Variants in SFMBT2 observed in about 807,000 individuals in gnomAD.
SFMBT2 encodes Scm like with four mbt domains 2, also known as scm-like with four MBT domains protein 2.
In SFMBT2, 38 loss-of-function variants were observed where a neutral mutation model predicts 110.1. The ratio of observed to expected loss-of-function variants is 0.35; its 90% CI spans 0.27 to 0.45. The LOEUF (loss-of-function observed/expected upper bound fraction) is 0.45, where lower values mean the gene tolerates loss of function less well. Among genes scored for constraint, SFMBT2 ranks in the 20% least tolerant of loss-of-function variants. SFMBT2 has a pLI of 1.00. For synonymous variants in SFMBT2, 425 were observed against 425.4 expected (o/e 1.00, Z 0.01); for missense variants, 1,011 against 1,094.9 (o/e 0.92, Z 1.08).
intron 7 of SFMBT2, among the ~76,000 whole-genome samples, chr10:7,254,232 T>C (rs1831572579): frequency 6.6e-6 from 1 of 152,180 alleles, no homozygotes; most frequent in Non-Finnish European, 1.5e-5. Context: ...TGACATCCAT[T>C]CCGATCCTAT....
At chr10:7,381,320 C>G (rs557376309) in intron 2 of SFMBT2, among the ~76,000 whole-genome samples, 98 of 152,300 alleles carry the variant, frequency 6.4e-4, no homozygotes, top group African/African-American at 2.3e-3. Context: ...CTGTCTCTCT[C>G]TCTCCAGCAC....
In SFMBT2 at chr10:7,175,982, G is replaced by T. The variant is rs1327854243; in HGVS notation, c.1984+8C>A. 1.9e-6 allele frequency: 3 copies of T among 1,607,224 alleles called. No homozygotes were observed. Among genetic ancestry groups the T allele is most frequent in the African/African-American group, 2.7e-5 (2 of 74,688 alleles). On this transcript the variant is annotated splice_region_variant and intron_variant, in intron 17 of 20. Coordinates refer to ENST00000397167, the MANE Select transcript of SFMBT2 (RefSeq NM_001387889.1). ...TCATGCATTTCTTTTTTCATTATTT[G>T]TACTTACTGTATTTGGTTTTGGTAT...
chr10:7,378,139 AGTGTATGGATGGGTGGATGGATGG>A (rs1845304194), intron 2 of SFMBT2, among the ~76,000 whole-genome samples: 1 of 108,560 alleles, frequency 9.2e-6, no homozygotes, highest in African/African-American at 3.6e-5. Context: ...TGTGGGTGTG[AGTGTATGGATGGGTGGATGGATGG>A]GTGGATGGAT....
intron 4 of SFMBT2, among the ~76,000 whole-genome samples, chr10:7,313,709 C>A (rs1028595108): frequency 1.3e-5 from 2 of 152,112 alleles, no homozygotes; most frequent in African/African-American, 4.8e-5. Flanking sequence ...GTCTTGAACT[C>A]CTTGGCTTGA....
intron 11 of SFMBT2, among the ~76,000 whole-genome samples, chr10:7,217,436 G>T (rs1266400913): frequency 2.0e-5 from 3 of 152,048 alleles, no homozygotes; most frequent in Non-Finnish European, 2.9e-5. Flanking sequence ...ACTGCTAAAC[G>T]TGAGCTAGAA....
intron 2 of SFMBT2, among the ~76,000 whole-genome samples, chr10:7,371,958 G>A (rs937136581): frequency 9.8e-6 from 1 of 102,030 alleles, no homozygotes; most frequent in Non-Finnish European, 1.8e-5. Flanking sequence ...ATGGAGTCTT[G>A]CTCTGTCATC....
intron 16 of SFMBT2, among the ~76,000 whole-genome samples, chr10:7,185,656 A>G (rs1057495615): frequency 1.3e-5 from 2 of 152,226 alleles, no homozygotes; most frequent in East Asian, 1.9e-4. Flanking sequence ...ATTCTGAATA[A>G]CTATAACACA....
chr10:7,316,345 C>T (rs948814076), intron 4 of SFMBT2, among the ~76,000 whole-genome samples: 17 of 152,088 alleles, frequency 1.1e-4, no homozygotes, highest in African/African-American at 3.9e-4. Flanking sequence ...AGGCAGTGAG[C>T]GTACCCCAAA....
intron 9 of SFMBT2, chr10:7,228,224 G>T: frequency 4.1e-6 from 1 of 242,026 alleles, no homozygotes; most frequent in Non-Finnish European, 6.6e-6. Flanking sequence ...AGGGGGAAGA[G>T]CTGAGCCAGG....
rs1034755719 is a variant in SFMBT2, at chr10:7,163,151, C to G, written c.*619G>C. The G allele has an allele frequency of 9.5e-6, 1 of 105,696 alleles. No homozygotes were observed. Among genetic ancestry groups the G allele is most frequent in the African/African-American group, 3.4e-5 (1 of 29,726 alleles). 6.5% of individuals were successfully genotyped at this position (105,696 alleles called of 1,614,324 possible). On this transcript the variant is annotated 3_prime_UTR_variant, in exon 21 of 21. Transcript: ENST00000397167. This position sits in a 1 kb window ranked among gnomAD's most constrained non-coding sequence, Gnocchi z 4.8. ...CAAACAAACAAACAAACAAACAAAC[C>G]ATCTAGTTGCATGGAGATGCCTGCC... is the stretch of plus-strand genomic sequence containing the variant.
chr10:7,204,529 G>A (rs933573169), intron 12 of SFMBT2: 13 of 948,716 alleles, frequency 1.4e-5, no homozygotes, highest in Admixed American at 6.2e-5. Flanking sequence ...GATTTATTAG[G>A]TTAGAAGATT....
chr10:7,254,434 TA>T lies in SFMBT2; in HGVS notation c.871-5786del, dbSNP rs528436976. ...AACAAATTTTTTTACTTCTAGCATA[TA>T]AAAACCAAGTATCACTACGATCACA... is the stretch of plus-strand genomic sequence containing the variant. On this transcript the variant is annotated intron_variant, in intron 7 of 20. Coordinates refer to ENST00000397167, the MANE Select transcript of SFMBT2 (RefSeq NM_001387889.1). Among the ~76,000 whole-genome samples, 393 of 152,280 alleles carry T rather than the reference TA, an allele frequency of 2.6e-3. 5 individuals are homozygous for T. Among genetic ancestry groups the T allele is most frequent in the African/African-American group, 9.1e-3 (379 of 41,558 alleles).
chr10:7,317,699 T>C (rs1381060524), intron 4 of SFMBT2, among the ~76,000 whole-genome samples: 1 of 150,554 alleles, frequency 6.6e-6, no homozygotes, highest in Non-Finnish European at 1.5e-5. Context: ...CACGCTGACC[T>C]GGTCCACAGA....
At chr10:7,201,004 A>T (rs1168245469) in intron 13 of SFMBT2, 1 of 174,194 alleles carries the variant, frequency 5.7e-6, no homozygotes, top group Non-Finnish European at 1.1e-5. Flanking sequence ...GGCTTATTCC[A>T]GGACAGAGCT....
At chr10:7,308,153 G>C (rs1842748274) in intron 4 of SFMBT2, among the ~76,000 whole-genome samples, 1 of 152,164 alleles carries the variant, frequency 6.6e-6, no homozygotes, top group African/African-American at 2.4e-5. Context: ...CCAGGAGTTT[G>C]AGACCAGCCC....
At chr10:7,213,810 C>G (rs1839439218) in intron 11 of SFMBT2, among the ~76,000 whole-genome samples, 1 of 151,690 alleles carries the variant, frequency 6.6e-6, no homozygotes, top group Non-Finnish European at 1.5e-5. Flanking sequence ...GCACTCAGAT[C>G]CGTGTGTGAT....
rs116144384 is a variant in SFMBT2 at position 7,206,516 on chromosome 10, G to A, written c.1331-588C>T. On this transcript the variant is annotated intron_variant, in intron 11 of 20. Coordinates refer to ENST00000397167, the MANE Select transcript of SFMBT2 (RefSeq NM_001387889.1). Reference sequence around the variant, plus strand: ...GGAAACCTGACAACTTATCAGTTTGGAGTTACTTTGTTTTGAACTCAGTTT... The same window carrying A: ...GGAAACCTGACAACTTATCAGTTTGAAGTTACTTTGTTTTGAACTCAGTTT... 3,273 of 985,372 alleles carry A rather than the reference G, an allele frequency of 3.3e-3. 86 individuals are homozygous for A. In the African/African-American group the frequency reaches 0.054, roughly 16 times the overall value. The allele number at this position is 985,372 out of a possible 1,614,324, so 61.0% of individuals were successfully genotyped here.
chr10:7,274,821 C>T (rs902692835), intron 7 of SFMBT2, among the ~76,000 whole-genome samples: 6 of 151,770 alleles, frequency 4.0e-5, no homozygotes, highest in African/African-American at 1.2e-4. Context: ...CCCCACTGCA[C>T]TCCAGCCTGG....
chr10:7,320,187 C>A (rs1190072328), intron 4 of SFMBT2, among the ~76,000 whole-genome samples: 1 of 152,188 alleles, frequency 6.6e-6, no homozygotes, highest in Non-Finnish European at 1.5e-5. Context: ...GTCATACATG[C>A]GAAGTGATTT....
Sources: gnomAD v4.1 joint callset for allele counts (sites outside exome capture counted in the v4.1 genomes callset) on GRCh38, gnomAD v4.1.1 for gene constraint, Gnocchi (gnomAD v3.1) non-coding constraint, MANE v1.5 for transcripts, NCBI Gene and HGNC (gene_info 2026-07-23, HGNC 2026-07-21) for gene names.